The following FAM171A1 variants were observed in gnomAD, a reference collection of about 807,000 sequenced individuals.
The protein encoded by FAM171A1 is protein FAM171A1.
In FAM171A1, 23 loss-of-function variants were observed where a neutral mutation model predicts 74.9. The observed-to-expected ratio is 0.31, with a 90% CI of 0.22 to 0.44. FAM171A1 has a LOEUF of 0.44. Ranked by LOEUF, FAM171A1 falls within the 20% of genes least tolerant of loss-of-function variation. The pLI is 1.00. For synonymous variants in FAM171A1, 527 were observed against 505.7 expected, an observed-to-expected ratio of 1.04 and a Z score of -0.57; for missense variants, 1,162 against 1,159.2, an observed-to-expected ratio of 1.00 and a Z score of -0.03.
At chr10:15,340,304 C>T (rs1835751093) in intron 1 of FAM171A1, among the ~76,000 whole-genome samples, 2 of 152,124 alleles carry the variant, frequency 1.3e-5, no homozygotes, top group South Asian at 4.2e-4. Context: ...ATGTGCGTGG[C>T]AGATACACCA....
At chr10:15,359,711 A>C (rs886904358) in intron 1 of FAM171A1, among the ~76,000 whole-genome samples, 6 of 152,318 alleles carry the variant, frequency 3.9e-5, no homozygotes, top group Admixed American at 3.3e-4. Flanking sequence ...CTCCAGCTGT[A>C]GCCAGAGAGA....
intron 5 of FAM171A1, among the ~76,000 whole-genome samples, chr10:15,236,163 C>T (rs193293872): frequency 3.8e-4 from 58 of 152,182 alleles, no homozygotes; most frequent in Non-Finnish European, 7.6e-4. Context: ...CAGGTATGGG[C>T]CCCGACCAAT....
chr10:15,351,987 A>G lies in FAM171A1; in HGVS notation c.97+18969T>C, dbSNP rs924883182. Among the ~76,000 whole-genome samples the G allele has an allele frequency of 3.3e-5, 5 of 152,216 alleles. No individual in the cohort carries two copies. The South Asian group carries it at 1.0e-3, about 32-fold the overall frequency. The stretch of plus-strand genomic sequence containing the variant: ...TGGACCACCTGAGCTTAGGAGTTCA[A>G]GACCATAATGGGCAACATGGTGAAA... On this transcript the variant is annotated intron_variant, in intron 1 of 7. Coordinates refer to ENST00000378116, the MANE Select transcript of FAM171A1 (RefSeq NM_001010924.2).
chr10:15,365,767 T>TAA (rs3033606), intron 1 of FAM171A1, among the ~76,000 whole-genome samples: 83,053 of 144,578 alleles, frequency 0.57, 23,838 homozygotes, highest in East Asian at 0.75. Flanking sequence ...GAGACTCTGT[T>TAA]AAAAAAAAAA....
intron 5 of FAM171A1, among the ~76,000 whole-genome samples, chr10:15,228,902 A>G (rs1264169567): frequency 2.6e-5 from 4 of 152,186 alleles, no homozygotes; most frequent in Admixed American, 6.5e-5. Flanking sequence ...CACCTGCCTC[A>G]TGTTTCTTTG....
chr10:15,240,217 C>G (rs928843024), intron 5 of FAM171A1, among the ~76,000 whole-genome samples: 7 of 152,040 alleles, frequency 4.6e-5, no homozygotes, highest in Non-Finnish European at 8.8e-5. Context: ...AAAAATTAGC[C>G]TGGTGTGGTG....
intron 1 of FAM171A1, among the ~76,000 whole-genome samples, chr10:15,318,336 T>A (rs1254060077): frequency 1.3e-5 from 2 of 152,170 alleles, no homozygotes; most frequent in Non-Finnish European, 2.9e-5. Context: ...TTCTGCTTGG[T>A]CCTTCCCGGA....
chr10:15,366,701 A>AT (rs1257535524), intron 1 of FAM171A1, among the ~76,000 whole-genome samples: 1 of 152,100 alleles, frequency 6.6e-6, no homozygotes, highest in African/African-American at 2.4e-5. Context: ...GCTTTATTCA[A>AT]TTTTTTCTTC....
chr10:15,233,165 G>A (rs1189218701), intron 5 of FAM171A1, among the ~76,000 whole-genome samples: 1 of 151,880 alleles, frequency 6.6e-6, no homozygotes, highest in Non-Finnish European at 1.5e-5. Flanking sequence ...CGTGGTGGCC[G>A]GTGCCTGTAG....
intron 1 of FAM171A1, among the ~76,000 whole-genome samples, chr10:15,285,359 A>G (rs573421734): frequency 6.6e-6 from 1 of 152,236 alleles, no homozygotes; most frequent in Non-Finnish European, 1.5e-5. Flanking sequence ...CTTTATTCTA[A>G]AGGCAATGGG....
At chr10:15,228,326 A>G (rs1037403130) in intron 5 of FAM171A1, among the ~76,000 whole-genome samples, 4 of 147,958 alleles carry the variant, frequency 2.7e-5, no homozygotes, top group Non-Finnish European at 5.9e-5. Flanking sequence ...TACAAGAACA[A>G]AGTGGGAGTA....
chr10:15,331,840 T>C (rs939327300), intron 1 of FAM171A1, among the ~76,000 whole-genome samples: 6 of 90,086 alleles, frequency 6.7e-5, no homozygotes, highest in African/African-American at 2.2e-4. Flanking sequence ...TGTATATATA[T>C]GTGTGTATAT....
chr10:15,232,755 A>C (rs911139698), intron 5 of FAM171A1, among the ~76,000 whole-genome samples: 1 of 152,210 alleles, frequency 6.6e-6, no homozygotes, highest in African/African-American at 2.4e-5. Flanking sequence ...GGAATCCACA[A>C]AAATCTGATA....
At chr10:15,292,468 T>A (rs988811426) in intron 1 of FAM171A1, among the ~76,000 whole-genome samples, 4 of 152,182 alleles carry the variant, frequency 2.6e-5, no homozygotes. Flanking sequence ...GGTTATATTA[T>A]TTCCCTGGAA....
intron 1 of FAM171A1, among the ~76,000 whole-genome samples, chr10:15,324,685 CA>C (rs1428494068): frequency 6.6e-6 from 1 of 151,738 alleles, no homozygotes; most frequent in African/African-American, 2.4e-5. Context: ...ATCTTAAAAT[CA>C]TCTTAACCAC....
In FAM171A1 at chr10:15,293,547, T is replaced by TA. The variant is rs201297214; in HGVS notation, c.98-9443dup. 2.9e-3 allele frequency among the ~76,000 whole-genome samples: 139 copies of TA among 47,436 alleles called. 2 individuals carry two copies. The South Asian group carries it at 0.034, about 12-fold the overall frequency. The allele number at this position is 47,436 out of a possible 152,430, so 31.1% of individuals were successfully genotyped here. On this transcript the variant is annotated intron_variant, in intron 1 of 7. Transcript: ENST00000378116. ...AAGAATGAAACTGGCTAGGAACCTG[T>TA]AAAAAAAAAATATATATATATATAG...
At chr10:15,287,093 T>TC (rs1172519466) in intron 1 of FAM171A1, among the ~76,000 whole-genome samples, 61 of 143,302 alleles carry the variant, frequency 4.3e-4, no homozygotes, top group Non-Finnish European at 7.4e-4. Context: ...TTCTTCTTCT[T>TC]TTTTTTTTTT....
At chr10:15,224,272 C>T (rs1032890076) in intron 5 of FAM171A1, among the ~76,000 whole-genome samples, 5 of 152,048 alleles carry the variant, frequency 3.3e-5, no homozygotes, top group African/African-American at 4.8e-5. Flanking sequence ...GTGTGGTGGG[C>T]CTGGATGACA....
chr10:15,351,567 CGATGGATGGATG>C (rs757265914), intron 1 of FAM171A1, among the ~76,000 whole-genome samples: 2 of 146,350 alleles, frequency 1.4e-5, no homozygotes, highest in African/African-American at 2.5e-5. Flanking sequence ...AAAGTAGGGA[CGATGGATGGATG>C]GATGGATGGA....
Sources: allele counts gnomAD v4.1 joint callset (sites outside exome capture counted in the v4.1 genomes callset), GRCh38; gene constraint gnomAD v4.1.1; transcripts MANE v1.5; gene names NCBI Gene and HGNC (gene_info 2026-07-23, HGNC 2026-07-21).